ANXA13: variants seen among roughly 807,000 people sequenced by gnomAD.
The protein encoded by ANXA13 is annexin XIII.
Under a neutral mutation model 46.6 loss-of-function variants are expected in ANXA13, and 36 were observed. That is an observed-to-expected ratio of 0.77 (90% CI 0.59 to 1.02). The LOEUF (loss-of-function observed/expected upper bound fraction) is 1.02, where lower values mean the gene tolerates loss of function less well. ANXA13 is among the 50% of genes least tolerant of loss of function. The probability of loss-of-function intolerance (pLI) is 0.00; values close to 1 mark genes in which losing one functional copy is unlikely to be tolerated. For synonymous variants in ANXA13, 163 were observed against 152.9 expected (o/e 1.07, Z -0.49); for missense variants, 417 against 396.5 (o/e 1.05, Z -0.44).
intron 2 of ANXA13, among the ~76,000 whole-genome samples, chr8:123,708,017 C>T (rs1016839290): frequency 2.0e-5 from 3 of 152,226 alleles, no homozygotes; most frequent in Admixed American, 2.0e-4. Flanking sequence ...GAGTCCAGGT[C>T]TCAGGTTGAT....
chr8:123,691,020 A>G (rs1813231941), intron 8 of ANXA13, among the ~76,000 whole-genome samples: 1 of 152,198 alleles, frequency 6.6e-6, no homozygotes, highest in South Asian at 2.1e-4. Flanking sequence ...AGTCTTTCAT[A>G]TTTGGTAACG....
chr8:123,717,051 A>T (rs1409215366), intron 1 of ANXA13, among the ~76,000 whole-genome samples: 1 of 152,128 alleles, frequency 6.6e-6, no homozygotes, highest in Non-Finnish European at 1.5e-5. Context: ...TTATTTTTTG[A>T]CAGTGCTTGC....
intron 1 of ANXA13, among the ~76,000 whole-genome samples, chr8:123,715,677 C>T (rs1427892383): frequency 6.6e-6 from 1 of 152,226 alleles, no homozygotes; most frequent in Non-Finnish European, 1.5e-5. Context: ...CTGGTGCTGG[C>T]AGGACTGCTT....
At chr8:123,731,107 A>G (rs1431443665) in intron 1 of ANXA13, among the ~76,000 whole-genome samples, 1 of 152,204 alleles carries the variant, frequency 6.6e-6, no homozygotes, top group Non-Finnish European at 1.5e-5. Flanking sequence ...AGGCTTGTTC[A>G]GATGCAGATT....
chr8:123,708,889 C>G (rs955607675), intron 2 of ANXA13, among the ~76,000 whole-genome samples: 5 of 152,156 alleles, frequency 3.3e-5, no homozygotes, highest in African/African-American at 1.2e-4. Flanking sequence ...CTCCATCTGC[C>G]CATGGCCTTC....
At chr8:123,722,342 A>AAAAGAAAAGAAAG (rs774963834) in intron 1 of ANXA13, among the ~76,000 whole-genome samples, 46 of 136,856 alleles carry the variant, frequency 3.4e-4, no homozygotes, top group Non-Finnish European at 4.8e-4. Context: ...GAAAGAAAAG[A>AAAAGAAAAGAAAG]AAAGAAAGAA....
intron 1 of ANXA13, among the ~76,000 whole-genome samples, chr8:123,734,595 G>A (rs1272976028): frequency 6.6e-6 from 1 of 151,668 alleles, no homozygotes; most frequent in Non-Finnish European, 1.5e-5. Flanking sequence ...GATTGGTTAG[G>A]ATTTCAGATG....
chr8:123,731,182 C>T (rs1047977115), intron 1 of ANXA13, among the ~76,000 whole-genome samples: 1 of 152,158 alleles, frequency 6.6e-6, no homozygotes, highest in East Asian at 1.9e-4. Flanking sequence ...AATTTGCATT[C>T]CTAACAAGAT....
intron 1 of ANXA13, among the ~76,000 whole-genome samples, chr8:123,723,900 C>T (rs567927538): frequency 3.2e-4 from 48 of 152,304 alleles, no homozygotes; most frequent in African/African-American, 1.0e-3. Context: ...TAAATGTTAT[C>T]TTCTTTTCCA....
Position 123,681,044 on chromosome 8 carries a change from AG to A in ANXA13, c.*195del, listed in dbSNP as rs1364555342. The A allele has an allele frequency of 8.3e-6, 5 of 605,666 alleles. No homozygotes were observed. Among genetic ancestry groups the A allele is most frequent in the African/African-American group, 7.3e-5 (4 of 54,622 alleles). The allele number at this position is 605,666 out of a possible 1,614,324, so 37.5% of individuals were successfully genotyped here. A position where few individuals can be genotyped will look rare whatever the true frequency, so the allele number is the denominator to read the frequency against. On this transcript the variant is annotated 3_prime_UTR_variant, in exon 11 of 11. Coordinates refer to ENST00000419625, the MANE Select transcript of ANXA13 (RefSeq NM_004306.4). ...TAGATGCTTGCTAAGCCAGAGTTCA[AG>A]GTGCCCTGCCCACGCATCTTAACGT... is the stretch of plus-strand genomic sequence containing the variant.
At chr8:123,687,218 T>G (rs1353304678) in intron 9 of ANXA13, among the ~76,000 whole-genome samples, 1 of 152,198 alleles carries the variant, frequency 6.6e-6, no homozygotes, top group Non-Finnish European at 1.5e-5. Flanking sequence ...ATCTTCTGAC[T>G]GCACTCTGGT....
intron 1 of ANXA13, among the ~76,000 whole-genome samples, chr8:123,722,600 A>C (rs1232387450): frequency 6.6e-6 from 1 of 152,206 alleles, no homozygotes; most frequent in Non-Finnish European, 1.5e-5. Flanking sequence ...TCTCCCAGTG[A>C]GCAAAGTGTG....
At chr8:123,681,619 CTTTT>C (rs5894670) in intron 10 of ANXA13, among the ~76,000 whole-genome samples, 3 of 107,032 alleles carry the variant, frequency 2.8e-5, no homozygotes, top group African/African-American at 3.8e-5. Flanking sequence ...TCTTGAATTT[CTTTT>C]TTTTTTTTTT....
chr8:123,726,541 A>G (rs1014978455), intron 1 of ANXA13, among the ~76,000 whole-genome samples: 13 of 152,224 alleles, frequency 8.5e-5, no homozygotes, highest in Admixed American at 8.5e-4. Flanking sequence ...AGGTGAGCCA[A>G]TCAGCTCCTG....
At chr8:123,687,053 GT>G (rs1466742073) in intron 9 of ANXA13, among the ~76,000 whole-genome samples, 1 of 152,056 alleles carries the variant, frequency 6.6e-6, no homozygotes, top group East Asian at 1.9e-4. Context: ...AGCCTTATCT[GT>G]TGATTTGTAC....
rs538082963 is a variant in ANXA13, at chr8:123,690,382, C to T, written c.643-1436G>A. On this transcript the variant is annotated intron_variant, in intron 8 of 10. Transcript: ENST00000419625. This position sits in a 1 kb window ranked among gnomAD's most constrained non-coding sequence, Gnocchi z 4.6. ...GGGAGGCGGGAGGTGGGCTCCTTTC[C>T]CTTGCCATTGGCATCTATACCATGT... Among the ~76,000 whole-genome samples the T allele has an allele frequency of 2.0e-5, 3 of 152,184 alleles. No homozygotes were observed. The highest frequency in any genetic ancestry group is 4.4e-5 in the Non-Finnish European group (3 of 68,036).
chr8:123,700,730 TTCTC>T (rs929582957), intron 3 of ANXA13, among the ~76,000 whole-genome samples: 4 of 152,042 alleles, frequency 2.6e-5, no homozygotes, highest in Admixed American at 6.6e-5. Flanking sequence ...CTCTCTTTCT[TTCTC>T]TCTCTCTTTC....
chr8:123,730,841 G>A (rs921360430), intron 1 of ANXA13, among the ~76,000 whole-genome samples: 1 of 152,208 alleles, frequency 6.6e-6, no homozygotes, highest in African/African-American at 2.4e-5. Flanking sequence ...TGGCAGCAGG[G>A]AGAGAGGGAA....
At chr8:123,725,962 C>T (rs1467529820) in intron 1 of ANXA13, among the ~76,000 whole-genome samples, 1 of 152,146 alleles carries the variant, frequency 6.6e-6, no homozygotes, top group Non-Finnish European at 1.5e-5. Flanking sequence ...GCTGTTGATA[C>T]CTCCTTTCCA....
Sources: gnomAD v4.1 joint callset for allele counts (sites outside exome capture counted in the v4.1 genomes callset) on GRCh38, gnomAD v4.1.1 for gene constraint, Gnocchi (gnomAD v3.1) non-coding constraint, MANE v1.5 for transcripts, NCBI Gene and HGNC (gene_info 2026-07-23, HGNC 2026-07-21) for gene names.